KCNA6: variants seen among roughly 807,000 people sequenced by gnomAD.
The protein encoded by KCNA6 is potassium voltage-gated channel subfamily A member 6, also known as human brain potassium channel-2.
A neutral mutation model predicts 29.5 loss-of-function variants in KCNA6; 17 were observed. The ratio of observed to expected loss-of-function variants is 0.58; its 90% CI spans 0.39 to 0.86. The LOEUF is 0.86. Ranked by LOEUF, KCNA6 falls within the 40% of genes least tolerant of loss-of-function variation. KCNA6 has a pLI of 0.00. For synonymous variants in KCNA6, 296 were observed against 304.7 expected (o/e 0.97, Z 0.30); for missense variants, 450 against 703.4 (o/e 0.64, Z 4.07).
At chr12:4,816,439 A>G (rs1946683544), downstream of KCNA6, among the ~76,000 whole-genome samples, 1 of 152,128 alleles carries the variant, frequency 6.6e-6, no homozygotes, top group African/African-American at 2.4e-5. Context: ...TATGATATAT[A>G]TGTTGAACAT....
At chr12:4,820,818 T>G in the KCNA6 span, among the ~76,000 whole-genome samples, 1 of 152,180 alleles carries the variant, frequency 6.6e-6, no homozygotes, top group African/African-American at 2.4e-5. Flanking sequence ...TATTTAGCAC[T>G]GGACAAAGAG....
At chr12:4,840,209 ATC>A in the KCNA6 span, among the ~76,000 whole-genome samples, 91,252 of 150,106 alleles carry the variant, frequency 0.61, 28,140 homozygotes, top group Middle Eastern at 0.65. Context: ...CTATCTATCT[ATC>A]TATCTATCTA....
chr12:4,841,484 A>G, the KCNA6 span, among the ~76,000 whole-genome samples: 3 of 152,198 alleles, frequency 2.0e-5, no homozygotes, highest in Admixed American at 2.0e-4. Flanking sequence ...AGATTTACCT[A>G]AAGTGCTCTA....
the KCNA6 span, among the ~76,000 whole-genome samples, chr12:4,844,736 G>A: frequency 6.6e-6 from 1 of 152,116 alleles, no homozygotes; most frequent in African/African-American, 2.4e-5. This position sits in a 1 kb window ranked among gnomAD's most constrained non-coding sequence, Gnocchi z 4.0. Context: ...CATGTATGTT[G>A]TCTACCACTT....
chr12:4,815,813 G>A (rs1018301069), downstream of KCNA6, among the ~76,000 whole-genome samples: 11 of 152,226 alleles, frequency 7.2e-5, no homozygotes, highest in Admixed American at 5.2e-4. Flanking sequence ...CAGGCAGTCC[G>A]CAAGGAGAAT....
chr12:4,838,951 C>A, the KCNA6 span: 3 of 152,212 alleles, frequency 2.0e-5, no homozygotes, highest in African/African-American at 7.2e-5. Context: ...AGGTGTAGGG[C>A]TTCAGCATGT....
the KCNA6 span, among the ~76,000 whole-genome samples, chr12:4,826,885 T>C: frequency 8.5e-5 from 13 of 152,352 alleles, 1 homozygote; most frequent in African/African-American, 3.1e-4. Context: ...AGATCAGAAC[T>C]TACATTTAAA....
chr12:4,810,855 G>T lies in KCNA6; in HGVS notation c.814G>T (p.Val272Phe), dbSNP rs753644607. The T allele has an allele frequency of 6.2e-7, 1 of 1,609,840 alleles. No homozygotes were observed. Among genetic ancestry groups the T allele is most frequent in the Non-Finnish European group, 8.5e-7 (1 of 1,177,886 alleles). The change falls in exon 1 of 1, where the codon GTC becomes TTC. Residue 272 changes from valine (V) to phenylalanine (F), a missense_variant. Val to Phe is a conservative substitution (Grantham distance 50, BLOSUM62 -1). This residue lies in a region of KCNA6 where 46 missense variants were observed against 80.2 expected (regional missense o/e 0.57). Coordinates refer to ENST00000280684, the Ensembl canonical transcript of KCNA6. This position sits in a 1 kb window ranked among gnomAD's most constrained non-coding sequence, Gnocchi z 7.5. ...CTTTCTGGTGGAGACGCTGTGCATT[G>T]TCTGGTTCACTTTTGAGCTCCTGGT...
exon 1 of KCNA6, chr12:4,809,920 C>G (rs1946604958): frequency 1.6e-6 from 2 of 1,213,990 alleles, no homozygotes; most frequent in Non-Finnish European, 2.2e-6. Flanking sequence ...GACCGCGAAC[C>G]GGGAGGAGCG....
the KCNA6 span, among the ~76,000 whole-genome samples, chr12:4,823,735 C>A: frequency 6.6e-6 from 1 of 152,126 alleles, no homozygotes; most frequent in African/African-American, 2.4e-5. Context: ...CCACTGCACT[C>A]CTGCCTGGGC....
chr12:4,810,179 T>A lies in KCNA6; in HGVS notation c.138T>A (p.Asn46Lys). The change falls in exon 1 of 1, where the codon AAT becomes AAA. Residue 46 changes from asparagine to lysine, a missense_variant. Asn to Lys is a moderately conservative substitution (Grantham distance 94, BLOSUM62 0). This residue lies in a region of KCNA6 where 72 missense variants were observed against 64.2 expected (regional missense o/e 1.12). Transcript: ENST00000280684. This position sits in a 1 kb window ranked among gnomAD's most constrained non-coding sequence, Gnocchi z 7.5. ...GTAGTAGCGAGCGGCTGGTGATCAA[T>A]ATCTCCGGGCTGCGCTTTGAGACAC... 6.2e-7 allele frequency: 1 copy of A among 1,612,284 alleles called. No individual in the cohort carries two copies.
chr12:4,843,706 G>T, the KCNA6 span, among the ~76,000 whole-genome samples: 1 of 152,282 alleles, frequency 6.6e-6, no homozygotes, highest in East Asian at 1.9e-4. Flanking sequence ...AGAAGTCAAA[G>T]TGGGAGCAGG....
At chr12:4,827,438 G>A in the KCNA6 span, among the ~76,000 whole-genome samples, 1 of 152,170 alleles carries the variant, frequency 6.6e-6, no homozygotes, top group Non-Finnish European at 1.5e-5. Flanking sequence ...GGCAAGAAAA[G>A]ACATTTCTAT....
chr12:4,842,070 TGAG>T, the KCNA6 span, among the ~76,000 whole-genome samples: 3 of 137,552 alleles, frequency 2.2e-5, no homozygotes, highest in Admixed American at 1.5e-4. Flanking sequence ...TGTCTGCTGA[TGAG>T]GAGGAGGAGT....
chr12:4,811,544 C>G lies in KCNA6; in HGVS notation c.1503C>G (p.Phe501Leu), dbSNP rs752921105. ...ACAACGGACTTGGCAAGCCTGACTT[C>G]CCCGAGGCTAACCGGGAACGGAGAC... The change falls in exon 1 of 1, where the codon TTC (phenylalanine) becomes TTG (leucine). Residue 501 changes from phenylalanine (F) to leucine (L), a missense_variant. Physicochemically the swap from Phe to Leu is conservative, Grantham distance 22. Coordinates refer to ENST00000280684, the Ensembl canonical transcript of KCNA6. The surrounding 1 kb of genome is among the most constrained non-coding windows in gnomAD (Gnocchi z 7.1). The G allele has an allele frequency of 5.6e-6, 9 of 1,614,220 alleles. No individual in the cohort carries two copies. The highest frequency in any genetic ancestry group is 6.8e-6 in the Non-Finnish European group (8 of 1,180,046).
chr12:4,835,978 T>A, the KCNA6 span, among the ~76,000 whole-genome samples: 1 of 151,014 alleles, frequency 6.6e-6, no homozygotes, highest in East Asian at 1.9e-4. Context: ...TCGCTCTTGT[T>A]GCCCAGGCTG....
chr12:4,825,714 C>T, the KCNA6 span, among the ~76,000 whole-genome samples: 1 of 152,154 alleles, frequency 6.6e-6, no homozygotes, highest in Non-Finnish European at 1.5e-5. Flanking sequence ...TCCCTATAGT[C>T]CTTATAAGTC....
the KCNA6 span, among the ~76,000 whole-genome samples, chr12:4,840,217 A>ATG: frequency 6.7e-6 from 1 of 149,828 alleles, no homozygotes; most frequent in Non-Finnish European, 1.5e-5. Flanking sequence ...CTATCTATCT[A>ATG]TCTATCTATC....
chr12:4,845,257 A>T, the KCNA6 span, among the ~76,000 whole-genome samples: 15 of 152,358 alleles, frequency 9.8e-5, no homozygotes, highest in African/African-American at 3.6e-4. Context: ...TTGAGCTTTC[A>T]TGCCTAAAAA....
Sources: gnomAD v4.1 joint callset for allele counts (sites outside exome capture counted in the v4.1 genomes callset) on GRCh38, gnomAD v4.1.1 for gene constraint, gnomAD v4.1.1 regional missense constraint, Gnocchi (gnomAD v3.1) non-coding constraint, MANE v1.5 for transcripts, NCBI Gene and HGNC (gene_info 2026-07-23, HGNC 2026-07-21) for gene names.